Variants in ITGAL observed in about 807,000 individuals in gnomAD.
ITGAL encodes the protein integrin alpha-L.
A neutral mutation model predicts 138.4 loss-of-function variants in ITGAL; 68 were observed. The ratio of observed to expected loss-of-function variants is 0.49; its 90% CI spans 0.40 to 0.60. The LOEUF is 0.60. Among genes scored for constraint, ITGAL ranks in the 20% least tolerant of loss-of-function variants. The pLI is 0.00. For synonymous variants in ITGAL, 561 were observed against 584.3 expected, an observed-to-expected ratio of 0.96 and a Z score of 0.57; for missense variants, 1,256 against 1,478.6, an observed-to-expected ratio of 0.85 and a Z score of 2.47.
Position 30,505,317 on chromosome 16 carries a change from G to A in ITGAL, c.2292+17G>A. ...ACCTGGGAGGTAAGAGGGGAGAAGG[G>A]GCAGGCAGAGAGGCCTGGGAACAAG... On this transcript the variant is annotated intron_variant, in intron 19 of 30. Transcript: ENST00000356798. The A allele has an allele frequency of 6.2e-7, 1 of 1,613,274 alleles. No individual in the cohort carries two copies. The highest frequency in any genetic ancestry group is 8.5e-7 in the Non-Finnish European group (1 of 1,179,504).
chr16:30,504,168 C>T lies in ITGAL; in HGVS notation c.2146-7C>T. 1 of 1,603,096 alleles carries T rather than the reference C, an allele frequency of 6.2e-7. No homozygotes were observed. Among genetic ancestry groups the T allele is most frequent in the African/African-American group, 1.3e-5 (1 of 74,756 alleles). ...CATGACATAGGCTGTATTCTTATCA[C>T]CCTCAGGTATGTGTTCAAGACCTCA... On this transcript the variant is annotated splice_polypyrimidine_tract_variant and splice_region_variant and intron_variant, in intron 17 of 30. Transcript: ENST00000356798.
In ITGAL at chr16:30,490,064, TA is replaced by T. The variant is rs375236396; in HGVS notation, c.1213+683del. Among the ~76,000 whole-genome samples the T allele has an allele frequency of 5.9e-3, 900 of 151,756 alleles. 11 individuals carry two copies. The highest frequency in any genetic ancestry group is 0.021 in the African/African-American group (882 of 41,416). Reference sequence around the variant, plus strand: ...CAACATGGCAAAACCCCATCTCTACTAAAAATACAAAAATTAGTCGGGCATG... The same window carrying T: ...CAACATGGCAAAACCCCATCTCTACTAAAATACAAAAATTAGTCGGGCATG... On this transcript the variant is annotated intron_variant, in intron 11 of 30. Transcript: ENST00000356798.
chr16:30,503,216 G>C (rs1043687883), intron 17 of ITGAL, among the ~76,000 whole-genome samples: 1 of 151,902 alleles, frequency 6.6e-6, no homozygotes, highest in Non-Finnish European at 1.5e-5. Flanking sequence ...AACAATTATC[G>C]ACTCACCCTC....
At chr16:30,481,804 C>T (rs2050563353) in intron 7 of ITGAL, among the ~76,000 whole-genome samples, 1 of 152,168 alleles carries the variant, frequency 6.6e-6, no homozygotes. Flanking sequence ...AAGCCAGGTG[C>T]ACAGTCTGTA....
chr16:30,498,101 CG>C (rs1464337801), intron 15 of ITGAL, among the ~76,000 whole-genome samples: 4 of 151,376 alleles, frequency 2.6e-5, no homozygotes. Context: ...ATGGGAGGCA[CG>C]GGGGGCTTAG....
intron 20 of ITGAL, among the ~76,000 whole-genome samples, chr16:30,505,684 C>T (rs2050978468): frequency 6.6e-6 from 1 of 151,982 alleles, no homozygotes; most frequent in Admixed American, 6.6e-5. Context: ...GAGTTCAAGA[C>T]CAGCTATGGG....
In ITGAL at chr16:30,518,465, T is replaced by A. The variant is rs1261553146; in HGVS notation, c.3133-159T>A. On this transcript the variant is annotated intron_variant, in intron 28 of 30. Coordinates refer to ENST00000356798, the MANE Select transcript of ITGAL (RefSeq NM_002209.3). Reference sequence around the variant, plus strand: ...CTCCATCTCAAAAAAAAAAAAAAAATAGAAAGAAAAGAATGCCACAATAGA... The same window carrying A: ...CTCCATCTCAAAAAAAAAAAAAAAAAAGAAAGAAAAGAATGCCACAATAGA... Among the ~76,000 whole-genome samples, 40 of 142,912 alleles carry A rather than the reference T, an allele frequency of 2.8e-4. No homozygotes were observed. In the South Asian group the frequency reaches 5.6e-3, roughly 20 times the overall value. The allele number at this position is 142,912 out of a possible 152,430, so 93.8% of individuals were successfully genotyped here. A position where few individuals can be genotyped will look rare whatever the true frequency, so the allele number is the denominator to read the frequency against.
intron 9 of ITGAL, among the ~76,000 whole-genome samples, chr16:30,488,503 G>A (rs1299759573): frequency 6.6e-6 from 1 of 151,560 alleles, no homozygotes; most frequent in Admixed American, 6.6e-5. Flanking sequence ...ACCTGAGTTC[G>A]AGACCAGGCT....
chr16:30,504,963 G>T lies in ITGAL; in HGVS notation c.2236-281G>T, dbSNP rs1430016661. ...TTGAACCCAGGAGGCAGAGGTTGCA[G>T]TGAGCAGAGATTGTGCCACTGCACT... On this transcript the variant is annotated intron_variant, in intron 18 of 30. Transcript: ENST00000356798. 3 of 228,254 alleles carry T rather than the reference G, an allele frequency of 1.3e-5. No individual in the cohort carries two copies. In the East Asian group the frequency reaches 2.5e-4, roughly 19 times the overall value. 14.1% of individuals were successfully genotyped at this position (228,254 alleles called of 1,614,324 possible). A position where few individuals can be genotyped will look rare whatever the true frequency, so the allele number is the denominator to read the frequency against.
Position 30,483,924 on chromosome 16 carries a change from G to A in ITGAL, c.820G>A (p.Asp274Asn), listed in dbSNP as rs756493723. ...DGEATDSGNIDAAKDIIRYII... is the reference protein window; with the variant it reads ...DGEATDSGNINAAKDIIRYII... Reference sequence around the variant, plus strand: ...GGAGGCCACTGACAGTGGCAACATCGATGCGGCCAAAGACATCATCCGCTA... The same window carrying A: ...GGAGGCCACTGACAGTGGCAACATCAATGCGGCCAAAGACATCATCCGCTA... Residue 274 changes from aspartate to asparagine, a missense_variant, in exon 8 of 31, where the codon GAT becomes AAT. By Grantham distance (23) the Asp-to-Asn change is conservative (BLOSUM62 1). Coordinates refer to ENST00000356798, the MANE Select transcript of ITGAL (RefSeq NM_002209.3). 3.1e-6 allele frequency: 5 copies of A among 1,613,864 alleles called. No individual in the cohort carries two copies. The highest frequency in any genetic ancestry group is 2.2e-5 in the South Asian group (2 of 91,088).
rs1269817328 is a variant in ITGAL, at chr16:30,483,805, TCTC to T, written c.723-16_723-14del. 4 of 1,593,536 alleles carry T rather than the reference TCTC, an allele frequency of 2.5e-6. No homozygotes were observed. The highest frequency in any genetic ancestry group is 1.3e-5 in the African/African-American group (1 of 74,366). ...GGCCCTAGTTTGGGGGAGTCTCTCATCTCCTCCTTTCCTGGACACAGGACAGAG... is the reference window on the plus strand; with the variant it reads ...GGCCCTAGTTTGGGGGAGTCTCTCATCTCCTTTCCTGGACACAGGACAGAG... On this transcript the variant is annotated intron_variant, in intron 7 of 30. Transcript: ENST00000356798.
chr16:30,492,408 G>A (rs367988629), intron 11 of ITGAL, among the ~76,000 whole-genome samples: 18 of 151,794 alleles, frequency 1.2e-4, no homozygotes, highest in African/African-American at 4.1e-4. Context: ...CCGCCACCAC[G>A]CCCAGCTAAT....
chr16:30,512,704 T>G lies in ITGAL; in HGVS notation c.2787-1067T>G, dbSNP rs142906910. Among the ~76,000 whole-genome samples the G allele has an allele frequency of 1.8e-3, 273 of 152,164 alleles. 1 individual carries two copies. Among genetic ancestry groups the G allele is most frequent in the African/African-American group, 6.3e-3 (261 of 41,518 alleles). On this transcript the variant is annotated intron_variant, in intron 24 of 30. Coordinates refer to ENST00000356798, the MANE Select transcript of ITGAL (RefSeq NM_002209.3). ...TCAGGTCTCTAGTGCTTTTTAAATTTTTTTTATTTTTTAAGAGACAGAGTC... is the reference window on the plus strand; with the variant it reads ...TCAGGTCTCTAGTGCTTTTTAAATTGTTTTTATTTTTTAAGAGACAGAGTC...
At chr16:30,473,611 C>T (rs1190175060) in intron 1 of ITGAL, among the ~76,000 whole-genome samples, 3 of 152,184 alleles carry the variant, frequency 2.0e-5, no homozygotes, top group Admixed American at 6.5e-5. Flanking sequence ...ATGCTCTGAA[C>T]TAAACTCCAT....
At chr16:30,500,873 A>G (rs1398295028) in intron 17 of ITGAL, among the ~76,000 whole-genome samples, 1 of 152,090 alleles carries the variant, frequency 6.6e-6, no homozygotes, top group Non-Finnish European at 1.5e-5. Context: ...GTGTGTTGGC[A>G]CATGCCTGTG....
Position 30,523,034 on chromosome 16 carries a change from C to G in ITGAL, c.*1369C>G, listed in dbSNP as rs2151212755. ...CTTCTCAGGCTCTGCCCTGCCCTAG[C>G]TCCACACCCTCTCCCAGGACCCATC... On this transcript the variant is annotated 3_prime_UTR_variant, in exon 31 of 31. Transcript: ENST00000356798. 6.6e-6 allele frequency: 1 copy of G among 152,470 alleles called. No individual in the cohort carries two copies. The highest frequency in any genetic ancestry group is 1.9e-4 in the East Asian group (1 of 5,190). 9.4% of individuals were successfully genotyped at this position (152,470 alleles called of 1,614,324 possible).
At chr16:30,491,167 G>A (rs377551294) in intron 11 of ITGAL, among the ~76,000 whole-genome samples, 1 of 151,664 alleles carries the variant, frequency 6.6e-6, no homozygotes, top group South Asian at 2.1e-4. Context: ...TTGGGAAGCT[G>A]AGGCTGGCAG....
chr16:30,489,439 C>G (rs962131841), intron 11 of ITGAL, 53 bp downstream of exon 11: 2 of 1,587,720 alleles, frequency 1.3e-6, no homozygotes, highest in Non-Finnish European at 1.7e-6. Context: ...GTCAGATGGT[C>G]GCTCAGCCTG....
Position 30,511,073 on chromosome 16 carries a change from T to C in ITGAL, c.2723T>C (p.Leu908Pro). The C allele has an allele frequency of 6.2e-7, 1 of 1,614,026 alleles. No homozygotes were observed. Among genetic ancestry groups the C allele is most frequent in the Non-Finnish European group, 8.5e-7 (1 of 1,179,932 alleles). ...AGTAACAATGAGGACTCAGACCTCC[T>C]GGAGGACAACTCAGCCACTACCATC... ...VTCNNEDSDLLEDNSATTIIP... is the reference protein window; with the variant it reads ...VTCNNEDSDLPEDNSATTIIP... Residue 908 changes from leucine to proline, a missense_variant, in exon 24 of 31, where the codon CTG becomes CCG. Transcript: ENST00000356798.
Sources: gnomAD v4.1 joint callset for allele counts (sites outside exome capture counted in the v4.1 genomes callset) on GRCh38, gnomAD v4.1.1 for gene constraint, MANE v1.5 for transcripts, NCBI Gene and HGNC (gene_info 2026-07-23, HGNC 2026-07-21) for gene names.